DNAJC11: variants seen among roughly 807,000 people sequenced by gnomAD.
The protein encoded by DNAJC11 is DnaJ heat shock protein family (Hsp40) member C11.
In DNAJC11, 15 loss-of-function variants were observed where a neutral mutation model predicts 78.6. The observed-to-expected ratio is 0.19, with a 90% CI of 0.13 to 0.29. DNAJC11 has a LOEUF of 0.29. DNAJC11 is among the 10% of genes least tolerant of loss of function. The pLI, the probability that DNAJC11 is intolerant of heterozygous loss-of-function variation, is 1.00. For synonymous variants in DNAJC11, 292 were observed against 272.1 expected, an observed-to-expected ratio of 1.07 and a Z score of -0.72; for missense variants, 547 against 709.6, an observed-to-expected ratio of 0.77 and a Z score of 2.60.
chr1:6,670,874 G>A (rs1349840129), intron 3 of DNAJC11: 1 of 152,120 alleles, frequency 6.6e-6, no homozygotes, highest in Non-Finnish European at 1.5e-5. Flanking sequence ...ATTTTTCAAA[G>A]TTTCCATTAT....
chr1:6,637,932 C>T (rs1306273606), intron 12 of DNAJC11: 3 of 381,526 alleles, frequency 7.9e-6, no homozygotes, highest in African/African-American at 2.0e-5. Context: ...CATAGCTGTG[C>T]CGCCCCCTCA....
intron 11 of DNAJC11, among the ~76,000 whole-genome samples, chr1:6,639,521 A>T (rs142762317): frequency 6.6e-6 from 1 of 151,896 alleles, no homozygotes; most frequent in African/African-American, 2.4e-5. Flanking sequence ...TAGTAGAGAC[A>T]GGGTTTCACC....
intron 1 of DNAJC11, among the ~76,000 whole-genome samples, chr1:6,685,182 T>C (rs1403553228): frequency 6.6e-6 from 1 of 152,188 alleles, no homozygotes; most frequent in Non-Finnish European, 1.5e-5. Context: ...AGCTAAAACA[T>C]GTCTGGATAA....
intron 1 of DNAJC11, among the ~76,000 whole-genome samples, chr1:6,689,500 G>A (rs1193245654): frequency 6.6e-6 from 1 of 152,126 alleles, no homozygotes; most frequent in Non-Finnish European, 1.5e-5. Flanking sequence ...AAGGGTTGAA[G>A]CAAGAGACTT....
chr1:6,683,769 G>A (rs1376780309), intron 1 of DNAJC11, among the ~76,000 whole-genome samples: 1 of 152,158 alleles, frequency 6.6e-6, no homozygotes, highest in Non-Finnish European at 1.5e-5. Context: ...AAAATTCATT[G>A]TGCTGTATAC....
At chr1:6,646,771 T>A (rs542342027) in intron 7 of DNAJC11, among the ~76,000 whole-genome samples, 1 of 152,284 alleles carries the variant, frequency 6.6e-6, no homozygotes, top group East Asian at 1.9e-4. Context: ...AAGGGTAAAC[T>A]AACAGCTGGT....
At position 6,659,951 on chromosome 1, in the gene DNAJC11, G is replaced by A. The variant is rs540906478; in HGVS notation, c.379-5912C>T. 6.6e-5 allele frequency among the ~76,000 whole-genome samples: 10 copies of A among 151,498 alleles called. No homozygotes were observed. In the South Asian group the frequency reaches 1.5e-3, roughly 22 times the overall value. On this transcript the variant is annotated intron_variant, in intron 4 of 15. Coordinates refer to ENST00000377577, the MANE Select transcript of DNAJC11 (RefSeq NM_018198.4). ...GGCGCCTGGAGTTCCAGCTACTCGG[G>A]AGGCTGAGGCAGGAGAATGGCATGA...
rs190350720 is a variant in DNAJC11 at position 6,692,269 on chromosome 1, A to G, written c.72+9460T>C. On this transcript the variant is annotated intron_variant, in intron 1 of 15. Coordinates refer to ENST00000377577, the MANE Select transcript of DNAJC11 (RefSeq NM_018198.4). ...ATGTAACCTCACGTTTGCCAATCAC[A>G]TTATGAGATGACATTGGAAGTGGTG... is the stretch of plus-strand genomic sequence containing the variant. 2.6e-3 allele frequency among the ~76,000 whole-genome samples: 395 copies of G among 152,296 alleles called. 1 individual carries two copies. The highest frequency in any genetic ancestry group is 4.3e-3 in the Non-Finnish European group (294 of 68,024).
Position 6,635,497 on chromosome 1 carries a change from C to G in DNAJC11, c.*178G>C, listed in dbSNP as rs576441412. ...AGTGGGGCTGCCTCAGTCCTACCCC[C>G]AGCACCCTCAAAAGCTGGGGTGTCT... On this transcript the variant is annotated 3_prime_UTR_variant, in exon 16 of 16. Coordinates refer to ENST00000377577, the MANE Select transcript of DNAJC11 (RefSeq NM_018198.4). 7.5e-4 allele frequency: 507 copies of G among 678,022 alleles called. No individual in the cohort carries two copies. Among genetic ancestry groups the G allele is most frequent in the Non-Finnish European group, 1.1e-3 (439 of 403,832 alleles). The allele number at this position is 678,022 out of a possible 1,614,324, so 42.0% of individuals were successfully genotyped here.
intron 14 of DNAJC11, 38 bp from the exon 15 acceptor site, chr1:6,636,284 G>C (rs371049527): frequency 6.2e-7 from 1 of 1,610,262 alleles, no homozygotes; most frequent in East Asian, 2.2e-5. Context: ...TACTCCAGAC[G>C]GTCTAAGACC....
rs1324492975 is a variant in DNAJC11 at position 6,638,677 on chromosome 1, GATT to G, written c.1254-316_1254-314del. 2.0e-5 allele frequency among the ~76,000 whole-genome samples: 3 copies of G among 152,158 alleles called. No individual in the cohort carries two copies. The East Asian group carries it at 5.8e-4, about 29-fold the overall frequency. ...TCAGGAGATCCCACCAACCTTGTGGGATTATTATTTTTTTAATTTTAATTTTAA... is the reference window on the plus strand; with the variant it reads ...TCAGGAGATCCCACCAACCTTGTGGGATTATTTTTTTAATTTTAATTTTAA... On this transcript the variant is annotated intron_variant, in intron 11 of 15. Coordinates refer to ENST00000377577, the MANE Select transcript of DNAJC11 (RefSeq NM_018198.4).
At chr1:6,676,705 A>G (rs895123776) in intron 3 of DNAJC11, among the ~76,000 whole-genome samples, 1 of 152,030 alleles carries the variant, frequency 6.6e-6, no homozygotes, top group Non-Finnish European at 1.5e-5. Context: ...ACACACACCA[A>G]AAAAGGCTAT....
chr1:6,698,808 G>C (rs1283955720), intron 1 of DNAJC11, among the ~76,000 whole-genome samples: 1 of 150,908 alleles, frequency 6.6e-6, no homozygotes, highest in East Asian at 2.0e-4. Context: ...CAGCTGTGGT[G>C]GTGTGTGCCT....
chr1:6,637,143 C>T (rs1464877288), intron 14 of DNAJC11, 55 bp downstream of exon 14: 8 of 1,607,596 alleles, frequency 5.0e-6, no homozygotes, highest in Non-Finnish European at 6.8e-6. Flanking sequence ...AGTCACCGCG[C>T]CCAGCCTGTT....
At chr1:6,657,715 G>C (rs1642150271) in intron 4 of DNAJC11, among the ~76,000 whole-genome samples, 2 of 152,330 alleles carry the variant, frequency 1.3e-5, no homozygotes, top group African/African-American at 4.8e-5. Flanking sequence ...CACGATCTCG[G>C]CTCGCTGCAA....
chr1:6,689,891 C>A (rs1190446562), intron 1 of DNAJC11, among the ~76,000 whole-genome samples: 3 of 152,070 alleles, frequency 2.0e-5, no homozygotes, highest in Non-Finnish European at 4.4e-5. Flanking sequence ...CATCACAGAG[C>A]TTTAAAGGCT....
In DNAJC11 at chr1:6,640,072, A is replaced by C; in HGVS notation, c.1098-15T>G. On this transcript the variant is annotated splice_polypyrimidine_tract_variant and intron_variant, in intron 10 of 15. Coordinates refer to ENST00000377577, the MANE Select transcript of DNAJC11 (RefSeq NM_018198.4). ...CCCTGTTGAGCCTGGGGAAAAATAC[A>C]AAAAAAAAAAAAAAAAAGCCAAGAT... 7.1e-6 allele frequency: 2 copies of C among 279,818 alleles called. No individual in the cohort carries two copies. Among genetic ancestry groups the C allele is most frequent in the Non-Finnish European group, 6.0e-6 (1 of 165,964 alleles). 17.3% of individuals were successfully genotyped at this position (279,818 alleles called of 1,614,324 possible). A position where few individuals can be genotyped will look rare whatever the true frequency, so the allele number is the denominator to read the frequency against.
At position 6,683,175 on chromosome 1, in the gene DNAJC11, C is replaced by T. The variant is rs531732030; in HGVS notation, c.73-2138G>A. ...TTCCCTTTGGTGCAGACTTCAGGGA[C>T]GGCACTGCCAAACAGGGGCTGGCTG... On this transcript the variant is annotated intron_variant, in intron 1 of 15. Transcript: ENST00000377577. 1.8e-4 allele frequency among the ~76,000 whole-genome samples: 28 copies of T among 152,246 alleles called. No individual in the cohort carries two copies. In the South Asian group the frequency reaches 1.9e-3, roughly 10 times the overall value.
chr1:6,635,784 G>A lies in DNAJC11; in HGVS notation c.1655-84C>T, dbSNP rs921565732. 11 of 1,527,182 alleles carry A rather than the reference G, an allele frequency of 7.2e-6. No individual in the cohort carries two copies. The African/African-American group carries it at 1.1e-4, about 15-fold the overall frequency. 94.6% of individuals were successfully genotyped at this position (1,527,182 alleles called of 1,614,324 possible). On this transcript the variant is annotated intron_variant, in intron 15 of 15. Transcript: ENST00000377577. ...TACTGATGGGGCTCAGCAGTCACCC[G>A]GACCAGCAGCTGGCTGGGCCCAGGC... is the stretch of plus-strand genomic sequence containing the variant.
Sources: gnomAD v4.1 joint callset for allele counts (sites outside exome capture counted in the v4.1 genomes callset) on GRCh38, gnomAD v4.1.1 for gene constraint, MANE v1.5 for transcripts, NCBI Gene and HGNC (gene_info 2026-07-23, HGNC 2026-07-21) for gene names.